The following EPHA6 variants were observed in gnomAD, a reference collection of about 807,000 sequenced individuals.
EPHA6 encodes ephrin type-A receptor 6.
EPHA6 carries 50 observed loss-of-function variants against 112.0 expected under a neutral mutation model. The ratio of observed to expected loss-of-function variants is 0.45; its 90% confidence interval spans 0.36 to 0.56. EPHA6 has a LOEUF of 0.56. Among genes scored for constraint, EPHA6 ranks in the 20% least tolerant of loss-of-function variants. The pLI, the probability that EPHA6 is intolerant of heterozygous loss-of-function variation, is 0.00. For missense variants in EPHA6, 1,280 were observed against 1,417.4 expected (o/e 0.90, Z 1.56); for synonymous variants, 529 against 490.7 (o/e 1.08, Z -1.03).
chr3:97,260,767 A>C (rs2079475049), intron 5 of EPHA6, among the ~76,000 whole-genome samples: 1 of 152,226 alleles, frequency 6.6e-6, no homozygotes, highest in Non-Finnish European at 1.5e-5. Context: ...ACTGCAGGGC[A>C]TTCAGTTATA....
At chr3:97,664,353 G>A (rs1288655423) in intron 14 of EPHA6, among the ~76,000 whole-genome samples, 1 of 152,116 alleles carries the variant, frequency 6.6e-6, no homozygotes, top group African/African-American at 2.4e-5. Flanking sequence ...GATCCCATTT[G>A]TCAGTTTTGG....
intron 14 of EPHA6, among the ~76,000 whole-genome samples, chr3:97,695,114 A>G (rs909218984): frequency 6.6e-6 from 1 of 152,230 alleles, no homozygotes; most frequent in Admixed American, 6.5e-5. Flanking sequence ...TGTTATTGTC[A>G]TTATGTTATC....
chr3:97,190,292 G>A (rs1032838420), intron 3 of EPHA6, among the ~76,000 whole-genome samples: 29 of 152,034 alleles, frequency 1.9e-4, no homozygotes, highest in Non-Finnish European at 4.0e-4. Flanking sequence ...TTTATGTTTT[G>A]CATGAAGACT....
chr3:96,819,623 A>G (rs770255027), intron 1 of EPHA6, among the ~76,000 whole-genome samples: 1 of 152,116 alleles, frequency 6.6e-6, no homozygotes, highest in African/African-American at 2.4e-5. Context: ...AAATCAATAT[A>G]TATAGTTAGG....
intron 3 of EPHA6, among the ~76,000 whole-genome samples, chr3:97,128,872 C>CTTTTTTT (rs377407255): frequency 1.7e-5 from 2 of 117,530 alleles, no homozygotes; most frequent in Non-Finnish European, 3.5e-5. Flanking sequence ...ATTTTTATGT[C>CTTTTTTT]TTTTTTTTTT....
chr3:97,336,283 A>C (rs186279407), intron 5 of EPHA6, among the ~76,000 whole-genome samples: 118 of 152,326 alleles, frequency 7.7e-4, no homozygotes, highest in African/African-American at 2.7e-3. Flanking sequence ...TATGCCTAGG[A>C]AAGAACAAGG....
At position 97,173,762 on chromosome 3, in the gene EPHA6, T is replaced by A. The variant is rs966565247; in HGVS notation, c.1115-52502T>A. Among the ~76,000 whole-genome samples the A allele has an allele frequency of 2.0e-5, 3 of 151,892 alleles. No individual in the cohort carries two copies. In the South Asian group the frequency reaches 6.2e-4, roughly 31 times the overall value. ...CAAATGACACATTTAAGTGCAAACA[T>A]GTAAGAGGTGTATATAGTTATAAAG... On this transcript the variant is annotated intron_variant, in intron 3 of 17. Coordinates refer to ENST00000389672, the MANE Select transcript of EPHA6 (RefSeq NM_001080448.3).
chr3:97,637,376 A>G (rs2093956157), intron 13 of EPHA6, among the ~76,000 whole-genome samples: 1 of 151,888 alleles, frequency 6.6e-6, no homozygotes, highest in Non-Finnish European at 1.5e-5. Context: ...TGTTTATACC[A>G]TCACTTTTTT....
At chr3:97,203,418 TG>T (rs756875807) in intron 3 of EPHA6, among the ~76,000 whole-genome samples, 36 of 152,058 alleles carry the variant, frequency 2.4e-4, no homozygotes, top group Non-Finnish European at 4.6e-4. Flanking sequence ...AGACTTTTGA[TG>T]TGAATAAGGA....
At chr3:96,982,554 G>A (rs2042838788) in intron 2 of EPHA6, among the ~76,000 whole-genome samples, 1 of 152,226 alleles carries the variant, frequency 6.6e-6, no homozygotes, top group South Asian at 2.1e-4. Context: ...GGAGAGTTCT[G>A]TAGATGTCTA....
chr3:96,946,958 C>CT (rs1324633648), intron 2 of EPHA6, among the ~76,000 whole-genome samples: 2 of 151,836 alleles, frequency 1.3e-5, no homozygotes, highest in Non-Finnish European at 2.9e-5. Flanking sequence ...TGTCTGTTGG[C>CT]TGCATAAATG....
intron 2 of EPHA6, among the ~76,000 whole-genome samples, chr3:96,942,714 G>T (rs780483085): frequency 4.6e-5 from 7 of 152,212 alleles, no homozygotes; most frequent in Non-Finnish European, 1.0e-4. Context: ...TGCTCATGCT[G>T]GGAGCTGTAG....
At position 97,516,713 on chromosome 3, in the gene EPHA6, A is replaced by G. The variant is rs939469756; in HGVS notation, c.2201-15645A>G. On this transcript the variant is annotated intron_variant, in intron 10 of 17. Coordinates refer to ENST00000389672, the MANE Select transcript of EPHA6 (RefSeq NM_001080448.3). ...ACTCCTTTATATGACATTTTAAAATATTTTTTCTGTTGCCTTTACACAATA... is the reference window on the plus strand; with the variant it reads ...ACTCCTTTATATGACATTTTAAAATGTTTTTTCTGTTGCCTTTACACAATA... Among the ~76,000 whole-genome samples the G allele has an allele frequency of 4.6e-5, 7 of 152,248 alleles. No individual in the cohort carries two copies. The East Asian group carries it at 1.2e-3, about 25-fold the overall frequency.
intron 3 of EPHA6, among the ~76,000 whole-genome samples, chr3:97,058,775 C>CTGAT (rs1324701427): frequency 6.6e-6 from 1 of 152,170 alleles, no homozygotes; most frequent in Non-Finnish European, 1.5e-5. Flanking sequence ...ATCAATTCCA[C>CTGAT]TGATTTAAAG....
intron 2 of EPHA6, among the ~76,000 whole-genome samples, chr3:96,964,950 C>T (rs1156456507): frequency 6.6e-6 from 1 of 152,040 alleles, no homozygotes; most frequent in Non-Finnish European, 1.5e-5. Flanking sequence ...TCGGGCAGCC[C>T]CCAGAATCAC....
In EPHA6 at chr3:97,138,182, G is replaced by A. The variant is rs571347089; in HGVS notation, c.1115-88082G>A. Among the ~76,000 whole-genome samples, 30 of 152,314 alleles carry A rather than the reference G, an allele frequency of 2.0e-4. 1 individual carries two copies. Among genetic ancestry groups the A allele is most frequent in the African/African-American group, 7.0e-4 (29 of 41,580 alleles). On this transcript the variant is annotated intron_variant, in intron 3 of 17. Coordinates refer to ENST00000389672, the MANE Select transcript of EPHA6 (RefSeq NM_001080448.3). The stretch of plus-strand genomic sequence containing the variant: ...AGACTTCTGTTCTAACTACAGAAGA[G>A]TTTTGTGACCACCCTAGACTTCTAG...
chr3:97,739,185 C>T (rs1448955814), intron 16 of EPHA6, among the ~76,000 whole-genome samples: 1 of 152,064 alleles, frequency 6.6e-6, no homozygotes, highest in Non-Finnish European at 1.5e-5. Context: ...TGTAGAATTT[C>T]CATCTTTTCT....
At chr3:97,503,485 C>T (rs1026616608) in intron 10 of EPHA6, among the ~76,000 whole-genome samples, 4 of 152,198 alleles carry the variant, frequency 2.6e-5, no homozygotes, top group African/African-American at 9.6e-5. Context: ...TCCTTTCCTT[C>T]TACCCTGCAC....
At chr3:97,537,777 C>T (rs775950906) in intron 11 of EPHA6, among the ~76,000 whole-genome samples, 1 of 152,094 alleles carries the variant, frequency 6.6e-6, no homozygotes, top group Non-Finnish European at 1.5e-5. Flanking sequence ...CAGGGTTTCA[C>T]CATGTTGGCC....
Sources: allele counts gnomAD v4.1 joint callset (sites outside exome capture counted in the v4.1 genomes callset), GRCh38; gene constraint gnomAD v4.1.1; transcripts MANE v1.5; gene names NCBI Gene and HGNC (gene_info 2026-07-23, HGNC 2026-07-21).